The following ARMH3 variants were observed in gnomAD, a reference collection of about 807,000 sequenced individuals.
ARMH3 encodes the protein armadillo like helical domain containing 3.
ARMH3 carries 60 observed loss-of-function variants against 99.1 expected under a neutral mutation model. That is an observed-to-expected ratio of 0.61 (90% CI 0.49 to 0.75). The LOEUF (loss-of-function observed/expected upper bound fraction) is 0.75, where lower values mean the gene tolerates loss of function less well. Among genes scored for constraint, ARMH3 ranks in the 30% least tolerant of loss-of-function variants. The pLI, the probability that ARMH3 is intolerant of heterozygous loss-of-function variation, is 0.00. For missense variants in ARMH3, 679 were observed against 843.1 expected (o/e 0.81, Z 2.41); for synonymous variants, 285 against 292.8 (o/e 0.97, Z 0.27).
chr10:101,940,062 G>A, intron 22 of ARMH3, 124 bp from the exon 23 acceptor site: 1 of 645,284 alleles, frequency 1.5e-6, no homozygotes, highest in South Asian at 2.1e-5. Flanking sequence ...CCAATCTTCT[G>A]TTAAAAACAT....
At chr10:101,999,696 T>C (rs894712603) in intron 15 of ARMH3, among the ~76,000 whole-genome samples, 3 of 152,222 alleles carry the variant, frequency 2.0e-5, no homozygotes, top group African/African-American at 7.2e-5. Context: ...ATAATGGTAT[T>C]CTGGATATCT....
chr10:102,027,555 G>A (rs2067028296), intron 5 of ARMH3, among the ~76,000 whole-genome samples: 1 of 152,018 alleles, frequency 6.6e-6, no homozygotes, highest in Non-Finnish European at 1.5e-5. Flanking sequence ...GATATATCAA[G>A]CAAGAAGTAC....
intron 23 of ARMH3, among the ~76,000 whole-genome samples, chr10:101,892,464 T>C (rs1432241008): frequency 3.9e-5 from 6 of 151,982 alleles, no homozygotes; most frequent in African/African-American, 1.2e-4. Flanking sequence ...CTCTCAAAAA[T>C]AAAAAATAAA....
chr10:102,013,478 A>T (rs2066676113), intron 9 of ARMH3, among the ~76,000 whole-genome samples: 1 of 152,338 alleles, frequency 6.6e-6, no homozygotes. Context: ...GAATAAAGCA[A>T]GACACCTGGT....
At chr10:101,904,003 C>T (rs938370759) in intron 23 of ARMH3, among the ~76,000 whole-genome samples, 4 of 152,234 alleles carry the variant, frequency 2.6e-5, no homozygotes, top group African/African-American at 7.2e-5. Flanking sequence ...GTAGATGGAT[C>T]TCAGCTGTGC....
At chr10:101,994,684 G>A in intron 16 of ARMH3, among the ~76,000 whole-genome samples, 1 of 151,938 alleles carries the variant, frequency 6.6e-6, no homozygotes, top group Non-Finnish European at 1.5e-5. Flanking sequence ...CCCCTCTCTG[G>A]CTTTACTATC....
At chr10:101,931,555 T>G (rs1204863607) in intron 23 of ARMH3, among the ~76,000 whole-genome samples, 1 of 151,316 alleles carries the variant, frequency 6.6e-6, no homozygotes, top group African/African-American at 2.4e-5. Flanking sequence ...TTAGGGAAAC[T>G]GGATATCCAC....
intron 22 of ARMH3, among the ~76,000 whole-genome samples, chr10:101,954,772 A>G (rs1430524439): frequency 6.6e-6 from 1 of 152,150 alleles, no homozygotes; most frequent in African/African-American, 2.4e-5. Context: ...GAAACATGCT[A>G]TCTCCTATTG....
intron 14 of ARMH3, 120 bp downstream of exon 14, chr10:102,006,420 C>G: frequency 1.8e-6 from 2 of 1,121,110 alleles, no homozygotes; most frequent in Non-Finnish European, 2.6e-6. Context: ...GATAGTACTA[C>G]AGACCAATTT....
chr10:101,915,885 G>A (rs1843064566), intron 23 of ARMH3, among the ~76,000 whole-genome samples: 2 of 146,418 alleles, frequency 1.4e-5, no homozygotes, highest in South Asian at 4.4e-4. Context: ...CTCACTGCAA[G>A]CTCCACCTCC....
At chr10:102,053,499 TGC>T (rs1328243384) in intron 1 of ARMH3, among the ~76,000 whole-genome samples, 3 of 152,028 alleles carry the variant, frequency 2.0e-5, no homozygotes, top group Non-Finnish European at 4.4e-5. Context: ...CCTCCCAAAG[TGC>T]TAGGATTACA....
intron 11 of ARMH3, among the ~76,000 whole-genome samples, chr10:102,010,716 T>C (rs2066612660): frequency 6.6e-6 from 1 of 152,220 alleles, no homozygotes; most frequent in African/African-American, 2.4e-5. Context: ...GCTTCATGTG[T>C]TTGGTACAAA....
At chr10:101,978,335 C>T (rs2135939830) in intron 19 of ARMH3, among the ~76,000 whole-genome samples, 1 of 152,280 alleles carries the variant, frequency 6.6e-6, no homozygotes, top group South Asian at 2.1e-4. Flanking sequence ...GTGTCTCTGG[C>T]TCTCACATCA....
intron 20 of ARMH3, among the ~76,000 whole-genome samples, chr10:101,968,407 ACCAATAACAGACTTGTCTTGCTC>A (rs1389060551): frequency 6.6e-6 from 1 of 152,228 alleles, no homozygotes; most frequent in Non-Finnish European, 1.5e-5. Context: ...ATGAGGTAGG[ACCAATAACAGACTTGTCTTGCTC>A]CCTCGAGATC....
chr10:101,995,064 C>T (rs1362242724), intron 16 of ARMH3, among the ~76,000 whole-genome samples: 1 of 152,148 alleles, frequency 6.6e-6, no homozygotes, highest in Non-Finnish European at 1.5e-5. Flanking sequence ...AACTGCTCCA[C>T]AGTTTAAAAA....
intron 14 of ARMH3, 142 bp downstream of exon 14, chr10:102,006,398 G>T: frequency 1.3e-6 from 1 of 756,126 alleles, no homozygotes; most frequent in Non-Finnish European, 2.1e-6. Context: ...TGGAAATTTA[G>T]GAGGCCTGAA....
chr10:101,953,083 AC>A (rs1446863356), intron 22 of ARMH3, among the ~76,000 whole-genome samples: 2 of 152,030 alleles, frequency 1.3e-5, no homozygotes, highest in African/African-American at 4.8e-5. Flanking sequence ...AGTTGCTTCC[AC>A]CTTTTGGCAC....
chr10:101,892,351 T>C (rs529012800), intron 23 of ARMH3, among the ~76,000 whole-genome samples: 1 of 152,204 alleles, frequency 6.6e-6, no homozygotes, highest in African/African-American at 2.4e-5. Context: ...CTCAGCTACT[T>C]GGAAGGCTGA....
At chr10:101,937,449 G>A (rs1590050655) in intron 23 of ARMH3, among the ~76,000 whole-genome samples, 1 of 151,908 alleles carries the variant, frequency 6.6e-6, no homozygotes, top group South Asian at 2.1e-4. Context: ...AGCCTGGGAA[G>A]CGGAGGCTGC....
Sources: gnomAD v4.1 joint callset for allele counts (sites outside exome capture counted in the v4.1 genomes callset) on GRCh38, gnomAD v4.1.1 for gene constraint, MANE v1.5 for transcripts, NCBI Gene and HGNC (gene_info 2026-07-23, HGNC 2026-07-21) for gene names.